CEP128: variants seen among roughly 807,000 people sequenced by gnomAD.
CEP128 encodes the protein centrosomal protein 128kDa.
In CEP128, 132 loss-of-function variants were observed where a neutral mutation model predicts 156.7. That is an observed-to-expected ratio of 0.84 (90% CI 0.73 to 0.97). The LOEUF (loss-of-function observed/expected upper bound fraction) is 0.97, where lower values mean the gene tolerates loss of function less well. Among genes scored for constraint, CEP128 ranks in the 50% least tolerant of loss-of-function variants. CEP128 has a pLI of 0.00. For missense variants in CEP128, 1,252 were observed against 1,281.9 expected (o/e 0.98, Z 0.36); for synonymous variants, 469 against 448.9 (o/e 1.04, Z -0.57).
chr14:80,885,590 A>G (rs1202598276), intron 8 of CEP128, among the ~76,000 whole-genome samples: 1 of 152,164 alleles, frequency 6.6e-6, no homozygotes, highest in Non-Finnish European at 1.5e-5. Flanking sequence ...CAACATAACA[A>G]AAAGGATGCC....
chr14:80,612,219 G>A (rs1308560475), intron 19 of CEP128, among the ~76,000 whole-genome samples: 1 of 152,022 alleles, frequency 6.6e-6, no homozygotes, highest in Admixed American at 6.6e-5. Context: ...AAATATTCTT[G>A]ATAGATTAAG....
At chr14:80,781,614 G>T (rs938589914) in intron 15 of CEP128, among the ~76,000 whole-genome samples, 3 of 151,960 alleles carry the variant, frequency 2.0e-5, no homozygotes, top group Non-Finnish European at 2.9e-5. Flanking sequence ...TTTTGGGAAA[G>T]GAAATCAGAG....
At chr14:80,794,961 C>T (rs553172990) in intron 13 of CEP128, among the ~76,000 whole-genome samples, 2 of 152,270 alleles carry the variant, frequency 1.3e-5, no homozygotes, top group South Asian at 4.1e-4. Context: ...AGATTGAATG[C>T]TGTATATGAA....
chr14:80,565,385 CCT>C, intron 20 of CEP128, among the ~76,000 whole-genome samples: 1 of 152,110 alleles, frequency 6.6e-6, no homozygotes, highest in African/African-American at 2.4e-5. Context: ...TTGGCAAGCG[CCT>C]GCTTGCCAAA....
rs1435513484 is a variant in CEP128 at position 80,906,014 on chromosome 14, C to T, written c.302G>A (p.Gly101Glu). Residue 101 changes from glycine (G) to glutamate (E), a missense_variant, in exon 5 of 25, where the codon GGG becomes GAG. Physicochemically the swap from Gly to Glu is moderately conservative, Grantham distance 98. Transcript: ENST00000555265. ...CAAACTTGTAACAGAAATACTTCTC[C>T]CTCCTGAGTTTCTCAATAAACGTTG... is the stretch of plus-strand genomic sequence containing the variant. The part of the protein sequence containing the change: ...RSQRLLRNSG[G>E]RSISVTSLSA... The T allele has an allele frequency of 1.9e-6, 3 of 1,612,996 alleles. No individual in the cohort carries two copies. The highest frequency in any genetic ancestry group is 2.2e-5 in the South Asian group (2 of 90,948).
rs117491071 is a variant in CEP128 at position 80,724,181 on chromosome 14, T to A, written c.2806+18894A>T. Among the ~76,000 whole-genome samples, 13 of 152,274 alleles carry A rather than the reference T, an allele frequency of 8.5e-5. No homozygotes were observed. The East Asian group carries it at 1.9e-3, about 23-fold the overall frequency. On this transcript the variant is annotated intron_variant, in intron 19 of 24. Transcript: ENST00000555265. ...CCATGTGCTCACAATTAAAGAGGGT[T>A]GCTATTTACTAACACTTTTGTTCAT...
rs117480430 is a variant in CEP128, at chr14:80,956,322, A to G, written c.-172+1856T>C. Among the ~76,000 whole-genome samples, 1,220 of 152,324 alleles carry G rather than the reference A, an allele frequency of 8.0e-3. 11 individuals are homozygous for G. Among genetic ancestry groups the G allele is most frequent in the Non-Finnish European group, 9.9e-3 (673 of 68,034 alleles). ...CTGCTGATTCATCAAATTGTTGACA[A>G]AGGTTTAAGCAGGGGCCCTTTTTAA... On this transcript the variant is annotated intron_variant, in intron 2 of 7. Transcript: ENST00000555529.
intron 19 of CEP128, among the ~76,000 whole-genome samples, chr14:80,612,298 A>T (rs544865903): frequency 1.2e-4 from 19 of 152,274 alleles, no homozygotes; most frequent in African/African-American, 4.6e-4. Context: ...ATTTGGTAAA[A>T]GGGGTGAAAG....
chr14:80,725,140 A>G (rs1214357917), intron 19 of CEP128, among the ~76,000 whole-genome samples: 2 of 149,338 alleles, frequency 1.3e-5, no homozygotes, highest in African/African-American at 4.9e-5. Flanking sequence ...CTGGAATTCA[A>G]TTCTCGAGTT....
At chr14:80,706,403 C>T (rs1331006819) in intron 19 of CEP128, among the ~76,000 whole-genome samples, 2 of 151,628 alleles carry the variant, frequency 1.3e-5, no homozygotes, top group Non-Finnish European at 2.9e-5. Context: ...ATTAAGTATT[C>T]CTCAGTTTTA....
downstream of CEP128, among the ~76,000 whole-genome samples, chr14:80,489,337 A>T (rs533768967): frequency 6.6e-6 from 1 of 151,468 alleles, no homozygotes; most frequent in African/African-American, 2.4e-5. Flanking sequence ...CATTATTGAT[A>T]ATTGCAAGAA....
At chr14:80,671,446 T>C (rs938249577) in intron 19 of CEP128, among the ~76,000 whole-genome samples, 1 of 152,130 alleles carries the variant, frequency 6.6e-6, no homozygotes, top group African/African-American at 2.4e-5. Flanking sequence ...AATAAAAATA[T>C]CACAAGACAG....
At chr14:80,571,680 T>C (rs1891144664) in intron 20 of CEP128, among the ~76,000 whole-genome samples, 1 of 152,194 alleles carries the variant, frequency 6.6e-6, no homozygotes, top group African/African-American at 2.4e-5. Context: ...AACGTTCTAA[T>C]GTTGCCTTTA....
chr14:80,517,244 A>G (rs892236139), intron 23 of CEP128, among the ~76,000 whole-genome samples: 8 of 151,880 alleles, frequency 5.3e-5, no homozygotes, highest in Non-Finnish European at 1.2e-4. Context: ...TAAATTTACT[A>G]TATCCTTGCT....
At chr14:80,818,955 G>A (rs1885014056) in intron 13 of CEP128, among the ~76,000 whole-genome samples, 1 of 152,114 alleles carries the variant, frequency 6.6e-6, no homozygotes, top group African/African-American at 2.4e-5. Flanking sequence ...AAGAGCCCCA[G>A]GCCTATTTCT....
chr14:80,721,800 T>C (rs1366775685), intron 19 of CEP128, among the ~76,000 whole-genome samples: 4 of 152,176 alleles, frequency 2.6e-5, no homozygotes, highest in Admixed American at 1.3e-4. Context: ...CATGATATGA[T>C]ATCTCTGGTT....
intron 13 of CEP128, among the ~76,000 whole-genome samples, chr14:80,814,885 T>C (rs1884760213): frequency 6.6e-6 from 1 of 152,074 alleles, no homozygotes; most frequent in Non-Finnish European, 1.5e-5. Flanking sequence ...GGTGAAACCC[T>C]GTCTCTACTA....
At chr14:80,796,576 T>C (rs1258097733) in intron 13 of CEP128, among the ~76,000 whole-genome samples, 1 of 152,194 alleles carries the variant, frequency 6.6e-6, no homozygotes, top group East Asian at 1.9e-4. Context: ...TCTCACTAGT[T>C]CTCTATCTTC....
At chr14:80,668,676 A>T (rs1346711065) in intron 19 of CEP128, among the ~76,000 whole-genome samples, 2 of 152,132 alleles carry the variant, frequency 1.3e-5, no homozygotes, top group Admixed American at 6.5e-5. Flanking sequence ...ATTACAGAAA[A>T]TTTTGAGTTC....
Sources: allele counts gnomAD v4.1 joint callset (sites outside exome capture counted in the v4.1 genomes callset), GRCh38; gene constraint gnomAD v4.1.1; transcripts MANE v1.5; gene names NCBI Gene and HGNC (gene_info 2026-07-23, HGNC 2026-07-21).